Variants in PRKN observed in about 807,000 individuals in gnomAD.
PRKN encodes the protein E3 ubiquitin-protein ligase parkin.
A neutral mutation model predicts 59.5 loss-of-function variants in PRKN; 56 were observed. The observed-to-expected ratio is 0.94, with a 90% CI of 0.76 to 1.18. The LOEUF (loss-of-function observed/expected upper bound fraction) is 1.18, where lower values mean the gene tolerates loss of function less well. Ranked by LOEUF, PRKN falls within the 50% of genes most tolerant of loss-of-function variation. The pLI is 0.00. For synonymous variants in PRKN, 250 were observed against 222.1 expected (o/e 1.13, Z -1.12); for missense variants, 657 against 596.4 (o/e 1.10, Z -1.06).
chr6:162,269,218 C>T (rs776270822), intron 2 of PRKN, among the ~76,000 whole-genome samples: 8 of 152,108 alleles, frequency 5.3e-5, no homozygotes, highest in East Asian at 1.9e-4. Flanking sequence ...TCTTTGTATG[C>T]GTTGCTCTCT....
intron 9 of PRKN, among the ~76,000 whole-genome samples, chr6:161,408,772 A>C (rs564632792): frequency 2.6e-5 from 4 of 152,242 alleles, no homozygotes; most frequent in African/African-American, 9.6e-5. Context: ...ATTAAAAAAG[A>C]ATCCACAATG....
intron 4 of PRKN, among the ~76,000 whole-genome samples, chr6:162,116,458 A>C (rs925402716): frequency 2.0e-5 from 3 of 152,198 alleles, no homozygotes; most frequent in African/African-American, 7.2e-5. Context: ...TGTATAAGAG[A>C]AAGAAGATGG....
At chr6:162,473,423 C>T (rs1466136059) in intron 1 of PRKN, among the ~76,000 whole-genome samples, 3 of 152,132 alleles carry the variant, frequency 2.0e-5, no homozygotes, top group Non-Finnish European at 4.4e-5. Context: ...ATGCATTTCC[C>T]TATGTTTGCC....
intron 7 of PRKN, among the ~76,000 whole-genome samples, chr6:161,766,728 A>AT (rs1583131107): frequency 6.6e-6 from 1 of 152,214 alleles, no homozygotes; most frequent in Non-Finnish European, 1.5e-5. Context: ...ATTTGATTGT[A>AT]TTTTTTCATG....
At position 162,510,756 on chromosome 6, in the gene PRKN, T is replaced by C. The variant is rs1448847249; in HGVS notation, c.8-67283A>G. Among the ~76,000 whole-genome samples the C allele has an allele frequency of 3.9e-5, 6 of 151,980 alleles. No homozygotes were observed. The East Asian group carries it at 1.2e-3, about 29-fold the overall frequency. ...GTCCAACGTAGTGAAACCCTGTATC[T>C]ACTAAAAATGCAAAAAATTAGCCAG... On this transcript the variant is annotated intron_variant, in intron 1 of 11. Transcript: ENST00000366898.
At chr6:162,003,263 T>G (rs1308267785) in intron 5 of PRKN, among the ~76,000 whole-genome samples, 1 of 151,626 alleles carries the variant, frequency 6.6e-6, no homozygotes, top group African/African-American at 2.4e-5. Flanking sequence ...AGATGGGTTA[T>G]AAGGACTTAT....
intron 2 of PRKN, among the ~76,000 whole-genome samples, chr6:162,308,361 A>G (rs546373324): frequency 2.1e-4 from 32 of 152,182 alleles, no homozygotes; most frequent in Non-Finnish European, 4.4e-4. Flanking sequence ...TTGGAATAAA[A>G]GATTGATGAA....
At chr6:161,661,532 C>T (rs1356016289) in intron 7 of PRKN, among the ~76,000 whole-genome samples, 1 of 146,996 alleles carries the variant, frequency 6.8e-6, no homozygotes, top group Admixed American at 6.9e-5. Context: ...CACTACCTGC[C>T]CCAGCCTCTG....
At chr6:162,485,414 A>G (rs1419655667) in intron 1 of PRKN, among the ~76,000 whole-genome samples, 4 of 152,224 alleles carry the variant, frequency 2.6e-5, no homozygotes, top group African/African-American at 9.6e-5. Flanking sequence ...CTATTTTTTA[A>G]ATGCTACTCA....
Position 161,560,761 on chromosome 6 carries a change from AT to A in PRKN, c.933+8593del, listed in dbSNP as rs1465511346. ...CCAAATCTCTTGCTAAAGTATGAACATTGCTTAAATTCTTCAACTTCATCAA... is the reference window on the plus strand; with the variant it reads ...CCAAATCTCTTGCTAAAGTATGAACATGCTTAAATTCTTCAACTTCATCAA... On this transcript the variant is annotated intron_variant, in intron 8 of 11. Coordinates refer to ENST00000366898, the MANE Select transcript of PRKN (RefSeq NM_004562.3). This position sits in a 1 kb window ranked among gnomAD's most constrained non-coding sequence, Gnocchi z 4.9. Among the ~76,000 whole-genome samples the A allele has an allele frequency of 1.3e-5, 2 of 152,108 alleles. No homozygotes were observed. The highest frequency in any genetic ancestry group is 4.8e-5 in the African/African-American group (2 of 41,416).
Position 161,897,176 on chromosome 6 carries a change from C to T in PRKN, c.734+76126G>A, listed in dbSNP as rs114287791. Among the ~76,000 whole-genome samples the T allele has an allele frequency of 3.8e-3, 574 of 152,312 alleles. 3 individuals are homozygous for T. Among genetic ancestry groups the T allele is most frequent in the African/African-American group, 0.013 (544 of 41,568 alleles). On this transcript the variant is annotated intron_variant, in intron 6 of 11. Coordinates refer to ENST00000366898, the MANE Select transcript of PRKN (RefSeq NM_004562.3). ...CAATACTCATATCCTCTTCTTTGTT[C>T]GAGCTCAAGTGAACACGTGGCATTC...
At chr6:161,990,256 T>C (rs1350284621) in intron 5 of PRKN, among the ~76,000 whole-genome samples, 1 of 152,198 alleles carries the variant, frequency 6.6e-6, no homozygotes. Context: ...CCCGAGCCAC[T>C]GAAGAGATCA....
intron 6 of PRKN, among the ~76,000 whole-genome samples, chr6:161,964,031 T>C (rs1780483612): frequency 1.3e-5 from 2 of 152,046 alleles, no homozygotes; most frequent in Non-Finnish European, 2.9e-5. Flanking sequence ...ACATTCTCCT[T>C]TTCACATGCA....
chr6:162,003,114 T>C (rs989627709), intron 5 of PRKN, among the ~76,000 whole-genome samples: 1 of 150,768 alleles, frequency 6.6e-6, no homozygotes, highest in Non-Finnish European at 1.5e-5. Context: ...AAGTGGTCTA[T>C]AGAGGTCAAT....
intron 5 of PRKN, among the ~76,000 whole-genome samples, chr6:162,000,553 G>C (rs1379588235): frequency 1.3e-5 from 2 of 151,852 alleles, no homozygotes; most frequent in Non-Finnish European, 2.9e-5. Context: ...TTGGATGGTA[G>C]TTTTTCATTA....
intron 6 of PRKN, among the ~76,000 whole-genome samples, chr6:161,825,493 T>C (rs1445143925): frequency 1.3e-5 from 2 of 152,168 alleles, no homozygotes; most frequent in East Asian, 1.9e-4. Context: ...CATGGCCATG[T>C]CCCTTTCCAG....
chr6:161,666,239 C>A (rs751577901), intron 7 of PRKN, among the ~76,000 whole-genome samples: 28 of 152,330 alleles, frequency 1.8e-4, no homozygotes, highest in Non-Finnish European at 3.4e-4. Context: ...GGCCGCACAG[C>A]CAGAGGTGAG....
At chr6:162,701,463 G>A (rs1271985506) in intron 1 of PRKN, among the ~76,000 whole-genome samples, 4 of 151,350 alleles carry the variant, frequency 2.6e-5, no homozygotes, top group African/African-American at 9.7e-5. Context: ...TTTAAAATTT[G>A]AGATGCATTG....
At chr6:161,476,376 T>G (rs1791083379) in intron 9 of PRKN, among the ~76,000 whole-genome samples, 1 of 152,128 alleles carries the variant, frequency 6.6e-6, no homozygotes, top group Non-Finnish European at 1.5e-5. Context: ...AATTCAACTG[T>G]TTTTAGTAAC....
Sources: allele counts gnomAD v4.1 joint callset (sites outside exome capture counted in the v4.1 genomes callset), GRCh38; gene constraint gnomAD v4.1.1; non-coding constraint Gnocchi (gnomAD v3.1); transcripts MANE v1.5; gene names NCBI Gene and HGNC (gene_info 2026-07-23, HGNC 2026-07-21).